Variants in PHC3 observed in about 807,000 individuals in gnomAD.
PHC3 encodes the protein polyhomeotic homolog 3.
PHC3 carries 13 observed loss-of-function variants against 107.4 expected under a neutral mutation model. The observed-to-expected ratio is 0.12, with a 90% CI of 0.08 to 0.19. The LOEUF (loss-of-function observed/expected upper bound fraction) is 0.19, where lower values mean the gene tolerates loss of function less well. Ranked by LOEUF, PHC3 falls within the 10% of genes least tolerant of loss-of-function variation. The pLI is 1.00. For synonymous variants in PHC3, 456 were observed against 427.4 expected (o/e 1.07, Z -0.83); for missense variants, 992 against 1,210.9 (o/e 0.82, Z 2.68).
In PHC3 at chr3:170,090,460, A is replaced by C. The variant is rs774419094; in HGVS notation, c.*6770T>G. 6.6e-6 allele frequency: 1 copy of C among 152,204 alleles called. No individual in the cohort carries two copies. Among genetic ancestry groups the C allele is most frequent in the Non-Finnish European group, 1.5e-5 (1 of 68,030 alleles). The allele number at this position is 152,204 out of a possible 1,614,324, so 9.4% of individuals were successfully genotyped here. A position where few individuals can be genotyped will look rare whatever the true frequency, so the allele number is the denominator to read the frequency against. ...TTTAAGTACATGAATGACAATATTCATATGTGTTCATATATTCAGTGGTTA... is the reference window on the plus strand; with the variant it reads ...TTTAAGTACATGAATGACAATATTCCTATGTGTTCATATATTCAGTGGTTA... On this transcript the variant is annotated 3_prime_UTR_variant, in exon 15 of 15. Transcript: ENST00000495893.
intron 8 of PHC3, 69 bp from the exon 9 acceptor site, chr3:170,122,813 A>T: frequency 6.5e-7 from 1 of 1,530,778 alleles, no homozygotes. Flanking sequence ...TCTTAATTTC[A>T]GAAAATTAAA....
In PHC3 at chr3:170,096,876, A is replaced by C. The variant is rs982430278; in HGVS notation, c.*354T>G. The C allele has an allele frequency of 6.2e-6, 1 of 161,052 alleles. No homozygotes were observed. Among genetic ancestry groups the C allele is most frequent in the African/African-American group, 2.4e-5 (1 of 41,828 alleles). 10.0% of individuals were successfully genotyped at this position (161,052 alleles called of 1,614,324 possible). On this transcript the variant is annotated 3_prime_UTR_variant, in exon 15 of 15. Coordinates refer to ENST00000495893, the MANE Select transcript of PHC3 (RefSeq NM_024947.4). ...AGAAAATTGAATCAAAAGAGGAGAA[A>C]TGTAAATCATTAAATTACTTTTAAA...
At chr3:170,118,783 AT>A (rs1719565443) in intron 9 of PHC3, among the ~76,000 whole-genome samples, 1 of 151,706 alleles carries the variant, frequency 6.6e-6, no homozygotes, top group Non-Finnish European at 1.5e-5. Context: ...CTGGTCTGGA[AT>A]TCCTAGACTC....
chr3:170,170,072 A>G (rs1278123940), intron 4 of PHC3: 3 of 150,936 alleles, frequency 2.0e-5, no homozygotes, highest in African/African-American at 7.3e-5. Flanking sequence ...CAACAGCCAG[A>G]AAAAAAAACC....
At chr3:170,178,245 G>A (rs1047517056) in intron 2 of PHC3, among the ~76,000 whole-genome samples, 10 of 150,322 alleles carry the variant, frequency 6.7e-5, no homozygotes, top group Non-Finnish European at 8.9e-5. Context: ...CCGGGTTCAC[G>A]CCATTCTCCT....
chr3:170,143,513 C>T (rs1724439164), intron 6 of PHC3, among the ~76,000 whole-genome samples: 1 of 151,936 alleles, frequency 6.6e-6, no homozygotes, highest in Admixed American at 6.6e-5. Context: ...TTATTTTTTA[C>T]CAGAAGATTG....
At chr3:170,133,740 A>C (rs928935029) in intron 7 of PHC3, among the ~76,000 whole-genome samples, 4 of 152,150 alleles carry the variant, frequency 2.6e-5, no homozygotes, top group Non-Finnish European at 4.4e-5. Flanking sequence ...TACTTACACA[A>C]GATATTGACC....
At chr3:170,124,280 A>AT (rs1720919251) in intron 8 of PHC3, among the ~76,000 whole-genome samples, 1 of 152,264 alleles carries the variant, frequency 6.6e-6, no homozygotes, top group East Asian at 1.9e-4. Context: ...AAATAAAGCC[A>AT]TAAGAGTTCA....
At chr3:170,128,180 T>C (rs1721664582) in intron 8 of PHC3, among the ~76,000 whole-genome samples, 1 of 152,154 alleles carries the variant, frequency 6.6e-6, no homozygotes, top group Non-Finnish European at 1.5e-5. Flanking sequence ...AGTATAATTT[T>C]ACCAAAAAAC....
In PHC3 at chr3:170,094,684, A is replaced by G. The variant is rs1026116017; in HGVS notation, c.*2546T>C. 6.6e-6 allele frequency: 1 copy of G among 152,206 alleles called. No homozygotes were observed. The highest frequency in any genetic ancestry group is 2.4e-5 in the African/African-American group (1 of 41,452). The allele number at this position is 152,206 out of a possible 1,614,324, so 9.4% of individuals were successfully genotyped here. A position where few individuals can be genotyped will look rare whatever the true frequency, so the allele number is the denominator to read the frequency against. ...AACAGCTGCACCAATGTGATAGCAA[A>G]CAAGCCATTTTTAAATAAAAACTCA... is the stretch of plus-strand genomic sequence containing the variant. On this transcript the variant is annotated 3_prime_UTR_variant, in exon 15 of 15. Transcript: ENST00000495893.
chr3:170,151,576 A>G (rs1176342189), intron 4 of PHC3, among the ~76,000 whole-genome samples: 1 of 152,232 alleles, frequency 6.6e-6, no homozygotes, highest in East Asian at 1.9e-4. Context: ...CTATAGAGCC[A>G]GAAGATCCAT....
intron 9 of PHC3, among the ~76,000 whole-genome samples, chr3:170,119,238 G>A (rs897714967): frequency 2.6e-5 from 4 of 152,040 alleles, no homozygotes; most frequent in African/African-American, 9.7e-5. Context: ...TCTGAAGTAG[G>A]ACTGAAAGGC....
Position 170,097,111 on chromosome 3 carries a change from C to T in PHC3, c.*119G>A. 2 of 843,908 alleles carry T rather than the reference C, an allele frequency of 2.4e-6. No homozygotes were observed. Among genetic ancestry groups the T allele is most frequent in the Non-Finnish European group, 3.4e-6 (2 of 582,954 alleles). The allele number at this position is 843,908 out of a possible 1,614,324, so 52.3% of individuals were successfully genotyped here. On this transcript the variant is annotated 3_prime_UTR_variant, in exon 15 of 15. Transcript: ENST00000495893. The surrounding 1 kb of genome is among the most constrained non-coding windows in gnomAD (Gnocchi z 4.1). Reference sequence around the variant, plus strand: ...AATGTCAGTATTTGATGTGGAGATCCCAATGTGCTTGGCTATCCACCACAA... The same window carrying T: ...AATGTCAGTATTTGATGTGGAGATCTCAATGTGCTTGGCTATCCACCACAA...
Position 170,089,836 on chromosome 3 carries a change from C to T in PHC3, c.*7394G>A, listed in dbSNP as rs6444896. Reference sequence around the variant, plus strand: ...GAAGGCTGAGGCAAGACAATCGCTTCAACCCGGGAGGTGGAGGTTGCAGTG... The same window carrying T: ...GAAGGCTGAGGCAAGACAATCGCTTTAACCCGGGAGGTGGAGGTTGCAGTG... On this transcript the variant is annotated 3_prime_UTR_variant, in exon 15 of 15. Coordinates refer to ENST00000495893, the MANE Select transcript of PHC3 (RefSeq NM_024947.4). The T allele has an allele frequency of 6.7e-6, 1 of 149,570 alleles. No homozygotes were observed. The highest frequency in any genetic ancestry group is 1.5e-5 in the Non-Finnish European group (1 of 67,666). The allele number at this position is 149,570 out of a possible 1,614,324, so 9.3% of individuals were successfully genotyped here. A position where few individuals can be genotyped will look rare whatever the true frequency, so the allele number is the denominator to read the frequency against.
chr3:170,138,400 A>G (rs961440659), intron 6 of PHC3, among the ~76,000 whole-genome samples: 9 of 151,878 alleles, frequency 5.9e-5, no homozygotes, highest in African/African-American at 2.2e-4. Context: ...ACGCAAAAAC[A>G]AAATATACTG....
At chr3:170,113,624 C>T (rs1718269378) in intron 10 of PHC3, 105 bp from the exon 11 acceptor site, 2 of 1,049,850 alleles carry the variant, frequency 1.9e-6, no homozygotes, top group Non-Finnish European at 2.7e-6. Context: ...TGATAATTTA[C>T]TAGTTCAACT....
At chr3:170,171,534 C>T in intron 3 of PHC3, 84 bp from the exon 4 acceptor site, 1 of 931,894 alleles carries the variant, frequency 1.1e-6, no homozygotes, top group Non-Finnish European at 1.6e-6. Flanking sequence ...AAAACCACAA[C>T]AATAAATGTC....
At position 170,114,314 on chromosome 3, in the gene PHC3, T is replaced by C. The variant is rs138055357; in HGVS notation, c.2194-795A>G. Among the ~76,000 whole-genome samples the C allele has an allele frequency of 6.5e-4, 99 of 152,324 alleles. 1 individual carries two copies. In the East Asian group the frequency reaches 0.018, roughly 28 times the overall value. ...GTGAGCCACTGCGCCCGGCCAATTTTAGTGTTTTCCATACGAATGCAAGAC... is the reference window on the plus strand; with the variant it reads ...GTGAGCCACTGCGCCCGGCCAATTTCAGTGTTTTCCATACGAATGCAAGAC... On this transcript the variant is annotated intron_variant, in intron 10 of 14. Transcript: ENST00000495893.
rs533957696 is a variant in PHC3, at chr3:170,172,053, T to C, written c.336+504A>G. Among the ~76,000 whole-genome samples the C allele has an allele frequency of 7.9e-5, 12 of 152,326 alleles. No homozygotes were observed. The South Asian group carries it at 1.0e-3, about 13-fold the overall frequency. Reference sequence around the variant, plus strand: ...TATGATTGGATTTTAGAAAAATGGATATACCTATCTTTGTATAAAAAATTT... The same window carrying C: ...TATGATTGGATTTTAGAAAAATGGACATACCTATCTTTGTATAAAAAATTT... On this transcript the variant is annotated intron_variant, in intron 3 of 14. Coordinates refer to ENST00000495893, the MANE Select transcript of PHC3 (RefSeq NM_024947.4).
Sources: gnomAD v4.1 joint callset for allele counts (sites outside exome capture counted in the v4.1 genomes callset) on GRCh38, gnomAD v4.1.1 for gene constraint, Gnocchi (gnomAD v3.1) non-coding constraint, MANE v1.5 for transcripts, NCBI Gene and HGNC (gene_info 2026-07-23, HGNC 2026-07-21) for gene names.